Variants in PRKX observed in about 807,000 individuals in gnomAD.
PRKX encodes protein kinase cAMP-dependent X-linked catalytic subunit.
A neutral mutation model predicts 22.0 loss-of-function variants in PRKX; 12 were observed. The observed-to-expected ratio is 0.54, with a 90% CI of 0.35 to 0.88. The LOEUF (loss-of-function observed/expected upper bound fraction) is 0.88. PRKX is among the 40% of genes least tolerant of loss of function. The probability of loss-of-function intolerance (pLI) is 0.01; values close to 1 mark genes in which losing one functional copy is unlikely to be tolerated. For missense variants in PRKX, 217 were observed against 308.0 expected (o/e 0.70, Z 2.21); for synonymous variants, 134 against 137.7 (o/e 0.97, Z 0.19).
At chrX:3,704,644 C>T (rs1023127052) in intron 1 of PRKX, among the ~76,000 whole-genome samples, 2 of 109,638 alleles carry the variant, frequency 1.8e-5, no homozygotes, top group African/African-American at 3.4e-5. Flanking sequence ...CCTGGGTGTC[C>T]GAGTGAGACC....
intron 2 of PRKX, among the ~76,000 whole-genome samples, chrX:3,659,717 GTT>G (rs369338597): frequency 3.6e-5 from 1 of 28,039 alleles, no homozygotes; most frequent in African/African-American, 1.8e-4. Flanking sequence ...TGTTTTTTTT[GTT>G]TTTTTTTTTG....
At position 3,641,085 on chromosome X, in the gene PRKX, G is replaced by A. The variant is rs1174483916; in HGVS notation, c.719+767C>T. The stretch of plus-strand genomic sequence containing the variant: ...AGCATATAGTCAAGAAATAACCATC[G>A]AAATAGCCAAACAGCAGCCCTCAGG... On this transcript the variant is annotated intron_variant, in intron 4 of 8. Coordinates refer to ENST00000262848, the MANE Select transcript of PRKX (RefSeq NM_005044.5). 8.1e-5 allele frequency among the ~76,000 whole-genome samples: 9 copies of A among 111,108 alleles called. No individual in the cohort carries two copies. In the East Asian group the frequency reaches 1.7e-3, roughly 21 times the overall value.
intron 4 of PRKX, among the ~76,000 whole-genome samples, chrX:3,635,953 A>C (rs1047509335): frequency 2.4e-4 from 27 of 112,043 alleles, no homozygotes; most frequent in African/African-American, 8.4e-4. Context: ...ATGAGGAAAG[A>C]GAATAGGATG....
chrX:3,711,417 C>T (rs190819694), intron 1 of PRKX, among the ~76,000 whole-genome samples: 149 of 111,737 alleles, frequency 1.3e-3, no homozygotes, highest in African/African-American at 4.6e-3. Flanking sequence ...GCTGACTTGA[C>T]GTCAAACTGA....
chrX:3,711,385 G>C (rs1409561238), intron 1 of PRKX, among the ~76,000 whole-genome samples: 1 of 111,452 alleles, frequency 9.0e-6, no homozygotes, highest in Non-Finnish European at 1.9e-5. Flanking sequence ...TTAAAGATGA[G>C]GTTACCCGCT....
chrX:3,683,683 T>C (rs28551723), intron 1 of PRKX, among the ~76,000 whole-genome samples: 1 of 109,489 alleles, frequency 9.1e-6, no homozygotes, highest in Non-Finnish European at 1.9e-5. Flanking sequence ...AAAATAAAAA[T>C]AAAAAATTAC....
chrX:3,658,347 A>T (rs1347528946), intron 2 of PRKX, among the ~76,000 whole-genome samples: 1 of 111,298 alleles, frequency 9.0e-6, no homozygotes, highest in African/African-American at 3.3e-5. Context: ...GCAGTGGTGC[A>T]GGTAAGGCTC....
chrX:3,665,109 T>C (rs1166260899), intron 2 of PRKX, among the ~76,000 whole-genome samples: 3 of 111,955 alleles, frequency 2.7e-5, no homozygotes, highest in Non-Finnish European at 3.8e-5. Flanking sequence ...TGTGTGTGCA[T>C]GCATATATGT....
chrX:3,658,876 G>T (rs778467544), intron 2 of PRKX, among the ~76,000 whole-genome samples: 1 of 111,404 alleles, frequency 9.0e-6, no homozygotes, highest in African/African-American at 3.3e-5. Flanking sequence ...CGACCGGATG[G>T]TCTTGTCTGC....
intron 1 of PRKX, among the ~76,000 whole-genome samples, chrX:3,709,298 G>T (rs1928743745): frequency 9.0e-6 from 1 of 111,164 alleles, no homozygotes. Flanking sequence ...GTCACCATGG[G>T]GAAGTTGGCT....
intron 2 of PRKX, chrX:3,659,569 A>T (rs944730275): frequency 4.5e-5 from 5 of 110,010 alleles, no homozygotes; most frequent in African/African-American, 1.7e-4. Flanking sequence ...TTTTTCCTTC[A>T]GTTACTGAAG....
chrX:3,657,978 A>G (rs757759292), intron 2 of PRKX, among the ~76,000 whole-genome samples: 4 of 111,565 alleles, frequency 3.6e-5, no homozygotes, highest in Admixed American at 9.6e-5. Context: ...ATTTGGAACT[A>G]AGGGCTTTGG....
Position 3,689,790 on chromosome X carries a change from A to C in PRKX, c.167-15024T>G, listed in dbSNP as rs759039761. Among the ~76,000 whole-genome samples the C allele has an allele frequency of 5.0e-3, 558 of 111,762 alleles. 1 individual carries two copies. The highest frequency in any genetic ancestry group is 7.6e-3 in the Non-Finnish European group (401 of 53,095). On this transcript the variant is annotated intron_variant, in intron 1 of 8. Coordinates refer to ENST00000262848, the MANE Select transcript of PRKX (RefSeq NM_005044.5). ...CAGGAGATCGAGACCATCCTGGCTA[A>C]CACGGTGAAACCCTGTCTCCACTAA...
At chrX:3,631,799 G>T (rs1382572281) in intron 4 of PRKX, among the ~76,000 whole-genome samples, 1 of 112,591 alleles carries the variant, frequency 8.9e-6, no homozygotes, top group Non-Finnish European at 1.9e-5. Flanking sequence ...GAGCCCCCAG[G>T]AACTGGGAGA....
intron 4 of PRKX, chrX:3,641,475 G>C (rs982073564): frequency 1.2e-5 from 2 of 168,277 alleles, no homozygotes; most frequent in African/African-American, 3.1e-5. Flanking sequence ...GTGATAAGGG[G>C]GGAAAAGAGT....
At chrX:3,699,702 C>G (rs1261081394) in intron 1 of PRKX, among the ~76,000 whole-genome samples, 3 of 112,649 alleles carry the variant, frequency 2.7e-5, no homozygotes, top group Admixed American at 9.4e-5. Context: ...AGGTCACACA[C>G]TTGCCCACCA....
In PRKX at chrX:3,655,271, G is replaced by A. The variant is rs763221124; in HGVS notation, c.477C>T (p.Ala159=). ...GLFYSAEIIC[A]IEYLHSKEIV... ...TCTCTTTGGAGTGCAGGTACTCGAT[G>A]GCACAGATGATCTCTGCAGAGTAGA... The change falls in exon 3 of 9, where the codon GCC becomes GCT. Residue 159 remains alanine (A), a synonymous_variant. Coordinates refer to ENST00000262848, the MANE Select transcript of PRKX (RefSeq NM_005044.5). 2.5e-6 allele frequency: 3 copies of A among 1,210,634 alleles called. No homozygotes were observed. Among genetic ancestry groups the A allele is most frequent in the Non-Finnish European group, 3.4e-6 (3 of 895,411 alleles).
chrX:3,671,350 C>T (rs1294306421), intron 2 of PRKX, among the ~76,000 whole-genome samples: 1 of 111,555 alleles, frequency 9.0e-6, no homozygotes, highest in Non-Finnish European at 1.9e-5. Context: ...CCGCCTTGGC[C>T]TCCAAAAATG....
intron 2 of PRKX, among the ~76,000 whole-genome samples, chrX:3,663,378 A>AC (rs1927644780): frequency 9.5e-6 from 1 of 105,347 alleles, no homozygotes; most frequent in South Asian, 4.4e-4. Flanking sequence ...AATGCTTGAA[A>AC]TTATGAGTTT....
Sources: gnomAD v4.1 joint callset for allele counts (sites outside exome capture counted in the v4.1 genomes callset) on GRCh38, gnomAD v4.1.1 for gene constraint, MANE v1.5 for transcripts, NCBI Gene and HGNC (gene_info 2026-07-23, HGNC 2026-07-21) for gene names.